Variants in PUDP observed in about 807,000 individuals in gnomAD.
PUDP encodes the protein pseudouridine-5'-phosphatase.
PUDP carries 8 observed loss-of-function variants against 9.4 expected under a neutral mutation model. The ratio of observed to expected loss-of-function variants is 0.85; its 90% confidence interval spans 0.50 to 1.53. The LOEUF is 1.53. Among genes scored for constraint, PUDP ranks in the 40% most tolerant of loss-of-function variants. The probability of loss-of-function intolerance (pLI) is 0.00; values close to 1 mark genes in which losing one functional copy is unlikely to be tolerated. For synonymous variants in PUDP, 99 were observed against 80.7 expected, an observed-to-expected ratio of 1.23 and a Z score of -1.22; for missense variants, 188 against 189.7, an observed-to-expected ratio of 0.99 and a Z score of 0.05.
At chrX:7,015,388 T>C (rs1351297919) in intron 1 of PUDP, among the ~76,000 whole-genome samples, 1 of 111,685 alleles carries the variant, frequency 9.0e-6, no homozygotes, top group African/African-American at 3.3e-5. Context: ...AGATTCTTCT[T>C]GGCCTGTCTG....
rs777219984 is a variant in PUDP at position 6,808,471 on chromosome X, T to C, written c.*248-102005A>G. 8.9e-5 allele frequency among the ~76,000 whole-genome samples: 10 copies of C among 111,996 alleles called. No individual in the cohort carries two copies. In the East Asian group the frequency reaches 2.8e-3, roughly 31 times the overall value. ...GGTTATGATGTGTGCCTCCAGGAAA[T>C]GACCCTTTATATGCATAAAGCTGTA... On this transcript the variant is annotated intron_variant and NMD_transcript_variant, in intron 3 of 3. Coordinates refer to the PUDP transcript ENST00000655425.
intron 3 of PUDP, among the ~76,000 whole-genome samples, chrX:6,849,178 C>T (rs750179243): frequency 4.4e-4 from 49 of 111,376 alleles, no homozygotes; most frequent in Non-Finnish European, 5.3e-4. Context: ...AGCGTGATGC[C>T]GCTCCTTGAA....
intron 3 of PUDP, among the ~76,000 whole-genome samples, chrX:6,961,377 C>A (rs1928706096): frequency 9.1e-6 from 1 of 110,082 alleles, no homozygotes; most frequent in South Asian, 4.0e-4. Flanking sequence ...CAGAGTGAGA[C>A]CCTGTCTAAA....
chrX:6,958,647 G>A (rs1249466740), intron 3 of PUDP, among the ~76,000 whole-genome samples: 2 of 107,192 alleles, frequency 1.9e-5, no homozygotes, highest in Non-Finnish European at 3.8e-5. Context: ...CAGAAAAATC[G>A]CTTGAACCTG....
At chrX:6,873,104 C>T (rs975404204) in intron 3 of PUDP, among the ~76,000 whole-genome samples, 7 of 111,594 alleles carry the variant, frequency 6.3e-5, no homozygotes, top group African/African-American at 1.6e-4. Context: ...AAGACTCAAA[C>T]GGCATAGCGC....
intron 2 of PUDP, among the ~76,000 whole-genome samples, chrX:7,088,095 A>T (rs1192930050): frequency 8.9e-6 from 1 of 112,603 alleles, no homozygotes; most frequent in African/African-American, 3.2e-5. Flanking sequence ...TGGATCAAAT[A>T]ATAAAAATTA....
Position 7,148,093 on chromosome X carries a change from G to A in PUDP, c.21C>T (p.Pro7=). 8.8e-7 allele frequency: 1 copy of A among 1,134,465 alleles called. No individual in the cohort carries two copies. The highest frequency in any genetic ancestry group is 1.9e-5 in the African/African-American group (1 of 53,062). 93.5% of individuals were successfully genotyped at this position (1,134,465 alleles called of 1,213,427 possible). MAAPPQ[P]VTHLIFDMDG... ...CCATGTCAAAGATGAGGTGGGTGAC[G>A]GGCTGCGGGGGCGCCGCCATGGTGG... is the stretch of plus-strand genomic sequence containing the variant. Residue 7 remains proline (P), a synonymous_variant, in exon 1 of 4, where the codon CCC becomes CCT. Transcript: ENST00000381077.
At chrX:6,730,102 C>T (rs1459759471) in intron 3 of PUDP, among the ~76,000 whole-genome samples, 1 of 112,029 alleles carries the variant, frequency 8.9e-6, no homozygotes, top group Non-Finnish European at 1.9e-5. Flanking sequence ...TTATTCCCAA[C>T]ATGAGTGGAG....
chrX:6,846,251 A>G (rs1159520992), intron 3 of PUDP, among the ~76,000 whole-genome samples: 1 of 109,709 alleles, frequency 9.1e-6, no homozygotes, highest in Non-Finnish European at 1.9e-5. Context: ...TAAACTACAA[A>G]AAAATTAGCC....
chrX:7,091,688 T>A (rs1254771925), intron 2 of PUDP, among the ~76,000 whole-genome samples: 1 of 111,631 alleles, frequency 9.0e-6, no homozygotes, highest in African/African-American at 3.3e-5. Flanking sequence ...CTGGAGAACC[T>A]GACCAACTAT....
chrX:7,116,818 C>T (rs1932207071), intron 1 of PUDP: 1 of 926,568 alleles, frequency 1.1e-6, no homozygotes, highest in Admixed American at 3.3e-5. Flanking sequence ...GGGGCAGATC[C>T]TTCGCTTGGG....
chrX:6,900,768 GT>G (rs755311184), intron 3 of PUDP, among the ~76,000 whole-genome samples: 1 of 106,722 alleles, frequency 9.4e-6, no homozygotes, highest in Non-Finnish European at 1.9e-5. Context: ...AATTTTTTTT[GT>G]TTTTTTGTTT....
chrX:7,120,213 T>A (rs1462091366), intron 1 of PUDP, among the ~76,000 whole-genome samples: 4 of 111,694 alleles, frequency 3.6e-5, no homozygotes, highest in Middle Eastern at 4.2e-3. Flanking sequence ...AATGTTAAAT[T>A]CCATGGCAAC....
intron 1 of PUDP, among the ~76,000 whole-genome samples, chrX:6,978,515 T>A (rs1484083201): frequency 8.9e-6 from 1 of 112,212 alleles, no homozygotes; most frequent in Non-Finnish European, 1.9e-5. Flanking sequence ...GTACTCACCA[T>A]TAAGGAATGA....
At chrX:6,711,540 G>T (rs1194743505) in intron 1 of PUDP, among the ~76,000 whole-genome samples, 2 of 111,301 alleles carry the variant, frequency 1.8e-5, no homozygotes, top group African/African-American at 3.3e-5. Flanking sequence ...GGGCAAAAGG[G>T]GCTCTGGTTT....
At chrX:6,710,380 T>C (rs1302941101) in intron 1 of PUDP, among the ~76,000 whole-genome samples, 1 of 111,357 alleles carries the variant, frequency 9.0e-6, no homozygotes, top group East Asian at 2.8e-4. Context: ...ACTATAAAAC[T>C]GTAGCTAAGT....
At chrX:7,079,609 C>T (rs1178686192) in intron 2 of PUDP, among the ~76,000 whole-genome samples, 4 of 112,621 alleles carry the variant, frequency 3.6e-5, no homozygotes, top group Non-Finnish European at 5.6e-5. Flanking sequence ...TAAAATCATA[C>T]AGAATACCTT....
At chrX:6,894,383 CA>C (rs1281606791) in intron 3 of PUDP, among the ~76,000 whole-genome samples, 1 of 112,205 alleles carries the variant, frequency 8.9e-6, no homozygotes, top group Non-Finnish European at 1.9e-5. Context: ...CTCCTAACCA[CA>C]ACCACCTCCA....
At chrX:6,809,141 T>G (rs1444127316) in intron 3 of PUDP, among the ~76,000 whole-genome samples, 1 of 111,286 alleles carries the variant, frequency 9.0e-6, no homozygotes, top group Non-Finnish European at 1.9e-5. Flanking sequence ...ATTCTTTTAT[T>G]TATTTATGTA....
Sources: gnomAD v4.1 joint callset for allele counts (sites outside exome capture counted in the v4.1 genomes callset) on GRCh38, gnomAD v4.1.1 for gene constraint, MANE v1.5 for transcripts, NCBI Gene and HGNC (gene_info 2026-07-23, HGNC 2026-07-21) for gene names.